The following ZC3HAV1 variants were observed in gnomAD, a reference collection of about 807,000 sequenced individuals.
The protein encoded by ZC3HAV1 is zinc finger CCCH-type antiviral protein 1.
A neutral mutation model predicts 86.6 loss-of-function variants in ZC3HAV1; 41 were observed. The ratio of observed to expected loss-of-function variants is 0.47; its 90% confidence interval spans 0.37 to 0.61. The LOEUF (loss-of-function observed/expected upper bound fraction) is 0.61. ZC3HAV1 is among the 20% of genes least tolerant of loss of function. The probability of loss-of-function intolerance (pLI) is 0.00; values close to 1 mark genes in which losing one functional copy is unlikely to be tolerated. For missense variants in ZC3HAV1, 964 were observed against 1,141.1 expected (o/e 0.84, Z 2.24); for synonymous variants, 421 against 432.1 (o/e 0.97, Z 0.32).
At chr7:139,096,709 ACTCC>A (rs779293833) in intron 1 of ZC3HAV1, among the ~76,000 whole-genome samples, 3 of 152,020 alleles carry the variant, frequency 2.0e-5, no homozygotes, top group Non-Finnish European at 4.4e-5. Flanking sequence ...TCTTTTACTC[ACTCC>A]CTCAAACTCG....
At chr7:139,064,345 G>C (rs1816535924) in intron 8 of ZC3HAV1, among the ~76,000 whole-genome samples, 1 of 152,266 alleles carries the variant, frequency 6.6e-6, no homozygotes, top group Non-Finnish European at 1.5e-5. Context: ...ACAGCAGGTA[G>C]ATTGGCGGCA....
At chr7:139,073,105 G>C (rs545527890) in intron 7 of ZC3HAV1, among the ~76,000 whole-genome samples, 3 of 152,232 alleles carry the variant, frequency 2.0e-5, no homozygotes, top group Admixed American at 2.0e-4. Context: ...CGACTAGCCT[G>C]TCCAACATGT....
At chr7:139,097,430 T>TATATATATATATA in intron 1 of ZC3HAV1, among the ~76,000 whole-genome samples, 1 of 61,846 alleles carries the variant, frequency 1.6e-5, no homozygotes, top group South Asian at 6.6e-4. Flanking sequence ...ATATATATAT[T>TATATATATATATA]TTTTTTTTTT....
In ZC3HAV1 at chr7:139,044,688, A is replaced by C. The variant is rs1381206009; in HGVS notation, c.*2906T>G. 2 of 152,650 alleles carry C rather than the reference A, an allele frequency of 1.3e-5. No individual in the cohort carries two copies. Among genetic ancestry groups the C allele is most frequent in the Non-Finnish European group, 2.9e-5 (2 of 68,048 alleles). 9.5% of individuals were successfully genotyped at this position (152,650 alleles called of 1,614,324 possible). On this transcript the variant is annotated 3_prime_UTR_variant, in exon 13 of 13. Coordinates refer to ENST00000242351, the MANE Select transcript of ZC3HAV1 (RefSeq NM_020119.4). ...TATGTGAGAGCCAAGTATGCAGAAC[A>C]TCTTGCAATACATTGGACAGTTCCT...
At chr7:139,107,121 C>T (rs576671781) in intron 1 of ZC3HAV1, among the ~76,000 whole-genome samples, 1 of 152,060 alleles carries the variant, frequency 6.6e-6, no homozygotes, top group Non-Finnish European at 1.5e-5. Flanking sequence ...GCCTTCCAAC[C>T]ATGTTATTTG....
At chr7:139,070,662 T>G (rs1340865449) in intron 7 of ZC3HAV1, among the ~76,000 whole-genome samples, 2 of 55,954 alleles carry the variant, frequency 3.6e-5, no homozygotes, top group Non-Finnish European at 5.3e-5. Flanking sequence ...AGACTCCGTC[T>G]CAAAAAAAAA....
chr7:139,058,344 C>G (rs1449000264), intron 9 of ZC3HAV1, among the ~76,000 whole-genome samples: 7 of 151,318 alleles, frequency 4.6e-5, no homozygotes, highest in Non-Finnish European at 1.0e-4. Flanking sequence ...GTCCTAGTTA[C>G]TTGGGTGACT....
chr7:139,108,893 GA>G lies in ZC3HAV1; in HGVS notation c.308+130del. 1 of 1,191,262 alleles carries G rather than the reference GA, an allele frequency of 8.4e-7. No individual in the cohort carries two copies. The highest frequency in any genetic ancestry group is 1.2e-6 in the Non-Finnish European group (1 of 866,640). The allele number at this position is 1,191,262 out of a possible 1,614,324, so 73.8% of individuals were successfully genotyped here. ...GGCTCCCAGAGGGGAGCAGAGAAGG[GA>G]GTGGCTGGAGGCGGAGGCTGTCAGG... On this transcript the variant is annotated intron_variant, in intron 1 of 12. Transcript: ENST00000242351. The surrounding 1 kb of genome is among the most constrained non-coding windows in gnomAD (Gnocchi z 4.2).
At chr7:139,064,259 G>A (rs1005964250) in intron 8 of ZC3HAV1, among the ~76,000 whole-genome samples, 2 of 152,232 alleles carry the variant, frequency 1.3e-5, no homozygotes, top group African/African-American at 2.4e-5. Flanking sequence ...GCAAGCACTT[G>A]ATCATGTGCA....
chr7:139,064,258 T>C (rs1816533790), intron 8 of ZC3HAV1, among the ~76,000 whole-genome samples: 1 of 152,200 alleles, frequency 6.6e-6, no homozygotes, highest in South Asian at 2.1e-4. Context: ...GGCAAGCACT[T>C]GATCATGTGC....
intron 1 of ZC3HAV1, among the ~76,000 whole-genome samples, chr7:139,105,078 G>A (rs1817896230): frequency 6.6e-6 from 1 of 151,798 alleles, no homozygotes; most frequent in East Asian, 1.9e-4. Flanking sequence ...GCCGGACATG[G>A]TGGCGCCCAC....
At chr7:139,100,687 T>C (rs6955590) in intron 1 of ZC3HAV1, among the ~76,000 whole-genome samples, 2,617 of 152,160 alleles carry the variant, frequency 0.017, 77 homozygotes, top group African/African-American at 0.06. Context: ...GGTGGGAGTA[T>C]AACTTGGCAA....
At chr7:139,067,365 G>T (rs1044155885) in intron 7 of ZC3HAV1, among the ~76,000 whole-genome samples, 1 of 152,122 alleles carries the variant, frequency 6.6e-6, no homozygotes, top group Non-Finnish European at 1.5e-5. Flanking sequence ...TGATCAGGCT[G>T]GTTTCGAACT....
Position 139,065,331 on chromosome 7 carries a change from C to T in ZC3HAV1, c.1873-332G>A, listed in dbSNP as rs549210460. Reference sequence around the variant, plus strand: ...TTGCATCCCCTCTTTTCTGATGCCACGCCGGCATCTGTCATCTAACAGAAT... The same window carrying T: ...TTGCATCCCCTCTTTTCTGATGCCATGCCGGCATCTGTCATCTAACAGAAT... On this transcript the variant is annotated intron_variant, in intron 7 of 12. Coordinates refer to ENST00000242351, the MANE Select transcript of ZC3HAV1 (RefSeq NM_020119.4). Among the ~76,000 whole-genome samples the T allele has an allele frequency of 9.9e-5, 15 of 152,278 alleles. No homozygotes were observed. The East Asian group carries it at 2.5e-3, about 26-fold the overall frequency.
chr7:139,099,478 T>G (rs1301292537), intron 1 of ZC3HAV1, among the ~76,000 whole-genome samples: 2 of 152,152 alleles, frequency 1.3e-5, no homozygotes, highest in Non-Finnish European at 2.9e-5. Context: ...TTACAGGAAA[T>G]GTCCAGAATT....
At chr7:139,067,053 C>T (rs1816626196) in intron 7 of ZC3HAV1, among the ~76,000 whole-genome samples, 1 of 152,166 alleles carries the variant, frequency 6.6e-6, no homozygotes, top group South Asian at 2.1e-4. Flanking sequence ...GGGTCTAGAC[C>T]AGTGCTGTTC....
chr7:139,091,426 C>A (rs984810020), intron 1 of ZC3HAV1, among the ~76,000 whole-genome samples: 1 of 152,014 alleles, frequency 6.6e-6, no homozygotes, highest in Non-Finnish European at 1.5e-5. Context: ...CGAGATCGCG[C>A]CACTGCACTC....
At chr7:139,053,678 C>A in intron 11 of ZC3HAV1, 97 bp from the exon 12 acceptor site, 1 of 1,446,090 alleles carries the variant, frequency 6.9e-7, no homozygotes, top group South Asian at 1.5e-5. Flanking sequence ...CTAAAAATTT[C>A]ACTCCATCAG....
At chr7:139,081,665 A>G (rs1159447687) in intron 3 of ZC3HAV1, among the ~76,000 whole-genome samples, 2 of 152,244 alleles carry the variant, frequency 1.3e-5, no homozygotes, top group Non-Finnish European at 2.9e-5. Flanking sequence ...GCTGCTTGCA[A>G]TAAACATTGC....
Sources: gnomAD v4.1 joint callset for allele counts (sites outside exome capture counted in the v4.1 genomes callset) on GRCh38, gnomAD v4.1.1 for gene constraint, Gnocchi (gnomAD v3.1) non-coding constraint, MANE v1.5 for transcripts, NCBI Gene and HGNC (gene_info 2026-07-23, HGNC 2026-07-21) for gene names.